The following CD300LG variants were observed in gnomAD, a reference collection of about 807,000 sequenced individuals.
CD300LG encodes the protein CD300 molecule like family member g.
In CD300LG, 29 loss-of-function variants were observed where a neutral mutation model predicts 31.5. That is an observed-to-expected ratio of 0.92 (90% CI 0.68 to 1.25). CD300LG has a LOEUF of 1.25. CD300LG is among the 50% of genes most tolerant of loss of function. The pLI, the probability that CD300LG is intolerant of heterozygous loss-of-function variation, is 0.00. For missense variants in CD300LG, 396 were observed against 417.6 expected (o/e 0.95, Z 0.45); for synonymous variants, 175 against 177.2 (o/e 0.99, Z 0.10).
intron 6 of CD300LG, chr17:43,861,390 A>G: frequency 1.6e-6 from 1 of 609,872 alleles, no homozygotes; most frequent in Non-Finnish European, 2.1e-6. Context: ...GCATCTACCC[A>G]CCTTCCCCAT....
At chr17:43,859,324 G>C (rs895351662) in intron 6 of CD300LG, among the ~76,000 whole-genome samples, 3 of 152,116 alleles carry the variant, frequency 2.0e-5, no homozygotes, top group Admixed American at 6.5e-5. Flanking sequence ...TTCTTTATTA[G>C]GTTTATTACT....
intron 4 of CD300LG, among the ~76,000 whole-genome samples, chr17:43,854,757 A>G (rs1361657393): frequency 6.6e-6 from 1 of 152,134 alleles, no homozygotes; most frequent in African/African-American, 2.4e-5. Flanking sequence ...CAGTTTCTCC[A>G]GTGTGAAATT....
At chr17:43,861,047 T>G in intron 6 of CD300LG, 1 of 966,224 alleles carries the variant, frequency 1.0e-6, no homozygotes, top group Non-Finnish European at 1.2e-6. Flanking sequence ...CCCTCCCACG[T>G]TTCCCTCATC....
rs139674731 is a variant in CD300LG, at chr17:43,848,594, G to C, written c.80G>C (p.Gly27Ala). 820 of 1,613,874 alleles carry C rather than the reference G, an allele frequency of 5.1e-4. 3 individuals are homozygous for C. Among genetic ancestry groups the C allele is most frequent in the Middle Eastern group, 1.5e-3 (9 of 6,084 alleles). The change falls in exon 2 of 7, where the codon GGG becomes GCG. Residue 27 changes from glycine (G) to alanine (A), a missense_variant. Gly to Ala is a moderately conservative substitution (Grantham distance 60). Coordinates refer to ENST00000317310, the MANE Select transcript of CD300LG (RefSeq NM_145273.4). The part of the protein sequence containing the change: ...EALEGPEEIS[G>A]FEGDTVSLQC... ...CTGGAGGGCCCAGAGGAAATCAGCGGGTTCGAAGGGGACACTGTGTCCCTG... is the reference window on the plus strand; with the variant it reads ...CTGGAGGGCCCAGAGGAAATCAGCGCGTTCGAAGGGGACACTGTGTCCCTG...
At chr17:43,858,536 A>G in intron 6 of CD300LG, 1 of 985,408 alleles carries the variant, frequency 1.0e-6, no homozygotes, top group Non-Finnish European at 1.2e-6. Flanking sequence ...GGGAGGGGAC[A>G]GGAAGGGGCA....
At chr17:43,847,579 G>T (rs898021470) in intron 1 of CD300LG, among the ~76,000 whole-genome samples, 10 of 152,150 alleles carry the variant, frequency 6.6e-5, no homozygotes, top group Admixed American at 1.3e-4. Flanking sequence ...CACCCCATCT[G>T]GTTGCCCTGT....
intron 6 of CD300LG, among the ~76,000 whole-genome samples, chr17:43,859,174 G>C (rs1465942212): frequency 6.6e-6 from 1 of 152,152 alleles, no homozygotes; most frequent in African/African-American, 2.4e-5. Context: ...TTGAGGAATG[G>C]AGCCAAGTTC....
Position 43,857,596 on chromosome 17 carries a change from G to T in CD300LG, c.885+440G>T, listed in dbSNP as rs138690619. ...AGCTGTTAGAGATGCACTCTCCAGGGCCCCAGACCCAGCTGAACCCTCCAG... is the reference window on the plus strand; with the variant it reads ...AGCTGTTAGAGATGCACTCTCCAGGTCCCCAGACCCAGCTGAACCCTCCAG... On this transcript the variant is annotated intron_variant, in intron 6 of 6. Coordinates refer to ENST00000317310, the MANE Select transcript of CD300LG (RefSeq NM_145273.4). The T allele has an allele frequency of 2.3e-4, 267 of 1,180,058 alleles. No individual in the cohort carries two copies. The African/African-American group carries it at 3.5e-3, about 15-fold the overall frequency. The allele number at this position is 1,180,058 out of a possible 1,614,324, so 73.1% of individuals were successfully genotyped here.
rs993595748 is a variant in CD300LG at position 43,849,089 on chromosome 17, C to G, written c.379+196C>G. ...TGGCCATTGTCTCACTCTTGCTGCC[C>G]GAGGTCACACCAGTAGTAGATGTCA... On this transcript the variant is annotated intron_variant, in intron 2 of 6. Coordinates refer to ENST00000317310, the MANE Select transcript of CD300LG (RefSeq NM_145273.4). The G allele has an allele frequency of 1.3e-5, 8 of 607,784 alleles. No individual in the cohort carries two copies. The African/African-American group carries it at 1.5e-4, about 11-fold the overall frequency. The allele number at this position is 607,784 out of a possible 1,614,324, so 37.6% of individuals were successfully genotyped here.
intron 4 of CD300LG, among the ~76,000 whole-genome samples, chr17:43,854,656 C>T (rs892495171): frequency 2.6e-5 from 4 of 152,160 alleles, no homozygotes; most frequent in Admixed American, 6.5e-5. Flanking sequence ...GGATGCCCCA[C>T]ATGCCAGTGA....
Position 43,863,264 on chromosome 17 carries a change from C to T in CD300LG, c.*1353C>T, listed in dbSNP as rs2046681564. On this transcript the variant is annotated 3_prime_UTR_variant, in exon 7 of 7. Coordinates refer to ENST00000317310, the MANE Select transcript of CD300LG (RefSeq NM_145273.4). Reference sequence around the variant, plus strand: ...GAACTCCTGACCTCAAATGAGCCTCCTGCTTCAGTCTCCCAAATTGCCGGG... The same window carrying T: ...GAACTCCTGACCTCAAATGAGCCTCTTGCTTCAGTCTCCCAAATTGCCGGG... 1 of 152,306 alleles carries T rather than the reference C, an allele frequency of 6.6e-6. No individual in the cohort carries two copies. Among genetic ancestry groups the T allele is most frequent in the East Asian group, 1.9e-4 (1 of 5,178 alleles). The allele number at this position is 152,306 out of a possible 1,614,324, so 9.4% of individuals were successfully genotyped here.
intron 6 of CD300LG, among the ~76,000 whole-genome samples, chr17:43,860,786 C>T (rs2046636813): frequency 6.6e-6 from 1 of 152,234 alleles, no homozygotes; most frequent in Non-Finnish European, 1.5e-5. Context: ...GATCTTTCTG[C>T]TTTAAAGGAT....
rs755466510 is a variant in CD300LG, at chr17:43,848,542, C to G, written c.44-16C>G. On this transcript the variant is annotated splice_polypyrimidine_tract_variant and intron_variant, in intron 1 of 6. Coordinates refer to ENST00000317310, the MANE Select transcript of CD300LG (RefSeq NM_145273.4). Reference sequence around the variant, plus strand: ...GAGCCTGGTTTTTCCAACCTCCACTCCTGCTCTGATTTTAGGTTATGAAGC... The same window carrying G: ...GAGCCTGGTTTTTCCAACCTCCACTGCTGCTCTGATTTTAGGTTATGAAGC... 2.5e-6 allele frequency: 4 copies of G among 1,605,460 alleles called. No individual in the cohort carries two copies. The African/African-American group carries it at 5.4e-5, about 21-fold the overall frequency.
At chr17:43,851,283 A>G (rs1333015929) in intron 2 of CD300LG, among the ~76,000 whole-genome samples, 1 of 152,210 alleles carries the variant, frequency 6.6e-6, no homozygotes, top group Admixed American at 6.5e-5. Context: ...TCCCTAATCC[A>G]AAAATGCAAA....
At chr17:43,847,401 G>T (rs1002465556) in intron 1 of CD300LG, 142 bp downstream of exon 1, 5 of 741,634 alleles carry the variant, frequency 6.7e-6, no homozygotes, top group Non-Finnish European at 8.1e-6. Flanking sequence ...GGCTGGGGGT[G>T]GGGGGAGGTG....
chr17:43,854,090 C>T (rs375175582), intron 4 of CD300LG, 46 bp downstream of exon 4: 181 of 1,433,598 alleles, frequency 1.3e-4, no homozygotes, highest in Non-Finnish European at 1.6e-4. Flanking sequence ...ATCACTAAAC[C>T]ATAAGGTGCC....
At chr17:43,860,357 T>C (rs2143414902) in intron 6 of CD300LG, among the ~76,000 whole-genome samples, 1 of 152,284 alleles carries the variant, frequency 6.6e-6, no homozygotes, top group Non-Finnish European at 1.5e-5. Flanking sequence ...ATATACCCTA[T>C]ACATGCCCAG....
chr17:43,848,849 G>C lies in CD300LG; in HGVS notation c.335G>C (p.Arg112Pro). 6.2e-7 allele frequency: 1 copy of C among 1,614,068 alleles called. No individual in the cohort carries two copies. Among genetic ancestry groups the C allele is most frequent in the Non-Finnish European group, 8.5e-7 (1 of 1,180,002 alleles). ...GAGTACTGGTGTGGGGTCGAAAAAC[G>C]GGGCCCCGATGAGTCTTTACTGATC... is the stretch of plus-strand genomic sequence containing the variant. ...AGEYWCGVEK[R>P]GPDESLLISL... Residue 112 changes from arginine to proline, a missense_variant, in exon 2 of 7, where the codon CGG becomes CCG. Transcript: ENST00000317310.
intron 2 of CD300LG, among the ~76,000 whole-genome samples, chr17:43,851,393 T>C (rs529297096): frequency 6.6e-6 from 1 of 152,286 alleles, no homozygotes. Flanking sequence ...TTAGGGATGC[T>C]GAATCGGCAG....
Sources: allele counts gnomAD v4.1 joint callset (sites outside exome capture counted in the v4.1 genomes callset), GRCh38; gene constraint gnomAD v4.1.1; transcripts MANE v1.5; gene names NCBI Gene and HGNC (gene_info 2026-07-23, HGNC 2026-07-21).